The following NUSAP1 variants were observed in gnomAD, a reference collection of about 807,000 sequenced individuals.
NUSAP1 encodes the protein nucleolar and spindle-associated protein 1.
NUSAP1 carries 32 observed loss-of-function variants against 52.8 expected under a neutral mutation model. The ratio of observed to expected loss-of-function variants is 0.61; its 90% confidence interval spans 0.46 to 0.81. The LOEUF (loss-of-function observed/expected upper bound fraction) is 0.81. Among genes scored for constraint, NUSAP1 ranks in the 40% least tolerant of loss-of-function variants. NUSAP1 has a pLI of 0.00. For synonymous variants in NUSAP1, 195 were observed against 183.1 expected, an observed-to-expected ratio of 1.06 and a Z score of -0.52; for missense variants, 499 against 522.3, an observed-to-expected ratio of 0.96 and a Z score of 0.43.
At chr15:41,367,650 G>T (rs1341362344) in intron 7 of NUSAP1, among the ~76,000 whole-genome samples, 2 of 151,632 alleles carry the variant, frequency 1.3e-5, no homozygotes, top group Non-Finnish European at 2.9e-5. Context: ...CAAACTGGGA[G>T]ACTTGGGTAT....
chr15:41,374,195 G>C (rs1328439023), intron 8 of NUSAP1, among the ~76,000 whole-genome samples: 1 of 151,902 alleles, frequency 6.6e-6, no homozygotes, highest in Non-Finnish European at 1.5e-5. Flanking sequence ...TTAGTCCTTT[G>C]CGGCTGCTAT....
chr15:41,336,912 C>T (rs926991447), intron 1 of NUSAP1, among the ~76,000 whole-genome samples: 4 of 151,250 alleles, frequency 2.6e-5, no homozygotes, highest in African/African-American at 9.7e-5. Context: ...GACTTTACCT[C>T]ATAGGTCATG....
intron 10 of NUSAP1, among the ~76,000 whole-genome samples, chr15:41,379,735 C>T (rs1370367734): frequency 4.6e-5 from 7 of 151,890 alleles, no homozygotes; most frequent in South Asian, 2.1e-4. Context: ...TTAGTAGAGA[C>T]GGGGTTTCAC....
chr15:41,365,564 A>C lies in NUSAP1; in HGVS notation c.823A>C (p.Ile275Leu), dbSNP rs1461574991. The stretch of plus-strand genomic sequence containing the variant: ...GAAGGGGTCACTCAAGCGCTCTGCT[A>C]TCTCTGCAGCTAAAACGGGTGTCAG... ...GLKGSLKRSA[I>L]SAAKTGVRFS... Residue 275 changes from isoleucine (I) to leucine (L), a missense_variant, in exon 7 of 11, where the codon ATC becomes CTC. By Grantham distance (5) the Ile-to-Leu change is conservative (BLOSUM62 2). Coordinates refer to ENST00000559596, the MANE Select transcript of NUSAP1 (RefSeq NM_016359.5). The C allele has an allele frequency of 6.2e-7, 1 of 1,606,432 alleles. No homozygotes were observed. The highest frequency in any genetic ancestry group is 8.5e-7 in the Non-Finnish European group (1 of 1,174,660).
rs745609653 is a variant in NUSAP1 at position 41,365,502 on chromosome 15, G to T, written c.761G>T (p.Arg254Leu). 1 of 1,612,568 alleles carries T rather than the reference G, an allele frequency of 6.2e-7. No individual in the cohort carries two copies. Among genetic ancestry groups the T allele is most frequent in the Admixed American group, 1.7e-5 (1 of 59,794 alleles). Residue 254 changes from arginine (R) to leucine (L), a missense_variant, in exon 7 of 11, where the codon CGG becomes CTG. Coordinates refer to ENST00000559596, the MANE Select transcript of NUSAP1 (RefSeq NM_016359.5). ...ATCAGCCAACGACGCTCGCAAGGCC[G>T]GTCTTGTGGCCCTGCAAGTCAGAGT... ...TPISQRRSQG[R>L]SCGPASQSTL...
chr15:41,341,216 C>T (rs1025334647), intron 1 of NUSAP1, among the ~76,000 whole-genome samples: 3 of 152,122 alleles, frequency 2.0e-5, no homozygotes, highest in Non-Finnish European at 2.9e-5. Context: ...CAGGCACACA[C>T]CACCATGCCC....
chr15:41,372,418 T>A (rs182423715), intron 8 of NUSAP1, among the ~76,000 whole-genome samples: 66 of 152,322 alleles, frequency 4.3e-4, no homozygotes, highest in Non-Finnish European at 7.6e-4. Flanking sequence ...ATATGTCAGT[T>A]TATCTATTTT....
At chr15:41,377,721 T>C (rs1263367703) in intron 10 of NUSAP1, among the ~76,000 whole-genome samples, 1 of 124,786 alleles carries the variant, frequency 8.0e-6, no homozygotes, top group Non-Finnish European at 1.7e-5. Flanking sequence ...AGTGGTATCA[T>C]GGGCCAGGCA....
intron 1 of NUSAP1, among the ~76,000 whole-genome samples, chr15:41,336,461 C>T (rs1041829312): frequency 2.6e-5 from 4 of 151,796 alleles, no homozygotes; most frequent in Non-Finnish European, 5.9e-5. Context: ...ACTATTTCCA[C>T]TTCCTTGCAC....
intron 2 of NUSAP1, chr15:41,345,516 A>C: frequency 2.4e-6 from 1 of 411,118 alleles, no homozygotes; most frequent in South Asian, 1.7e-5. Context: ...CTGGAGTGCA[A>C]TGACACGATC....
rs1414596819 is a variant in NUSAP1, at chr15:41,371,442, A to G, written c.849-85A>G. On this transcript the variant is annotated intron_variant, in intron 7 of 10. Coordinates refer to ENST00000559596, the MANE Select transcript of NUSAP1 (RefSeq NM_016359.5). ...ATTGAGGCCCTTTTCACTGCTTGCT[A>G]ATAGTCAAGTGGTTTTATTTATAAG... The G allele has an allele frequency of 3.5e-6, 4 of 1,154,738 alleles. No individual in the cohort carries two copies. The African/African-American group carries it at 4.8e-5, about 14-fold the overall frequency. The allele number at this position is 1,154,738 out of a possible 1,614,324, so 71.5% of individuals were successfully genotyped here.
chr15:41,372,858 T>C (rs1275538489), intron 8 of NUSAP1, among the ~76,000 whole-genome samples: 1 of 151,844 alleles, frequency 6.6e-6, no homozygotes, highest in Non-Finnish European at 1.5e-5. Context: ...GAGGCCGAGG[T>C]GGGTGGATCA....
At chr15:41,355,948 G>A in intron 4 of NUSAP1, 91 bp from the exon 5 acceptor site, 1 of 726,888 alleles carries the variant, frequency 1.4e-6, no homozygotes, top group South Asian at 1.6e-5. Context: ...AAAGTGCTGG[G>A]ATTACAGGCG....
chr15:41,372,698 CT>C (rs1415335951), intron 8 of NUSAP1, among the ~76,000 whole-genome samples: 1 of 151,890 alleles, frequency 6.6e-6, no homozygotes, highest in African/African-American at 2.4e-5. Flanking sequence ...GGGTTTTGTG[CT>C]TTTTTTTAAC....
In NUSAP1 at chr15:41,371,480, TA is replaced by T. The variant is rs1333494660; in HGVS notation, c.849-46del. On this transcript the variant is annotated intron_variant, in intron 7 of 10. Coordinates refer to ENST00000559596, the MANE Select transcript of NUSAP1 (RefSeq NM_016359.5). ...TTTTATTTATAAGCTAGACACAAGT[TA>T]CTCTTGCCACAGTACTCATGTCTTG... is the stretch of plus-strand genomic sequence containing the variant. 2.0e-6 allele frequency: 3 copies of T among 1,472,040 alleles called. No homozygotes were observed. In the African/African-American group the frequency reaches 4.3e-5, roughly 21 times the overall value. The allele number at this position is 1,472,040 out of a possible 1,614,324, so 91.2% of individuals were successfully genotyped here. A position where few individuals can be genotyped will look rare whatever the true frequency, so the allele number is the denominator to read the frequency against.
intron 10 of NUSAP1, among the ~76,000 whole-genome samples, chr15:41,379,847 C>T (rs1225518744): frequency 2.0e-5 from 3 of 152,106 alleles, no homozygotes; most frequent in Non-Finnish European, 4.4e-5. Context: ...GCGCCCCGGC[C>T]TCCATGCATG....
At chr15:41,341,114 G>A (rs1053446039) in intron 1 of NUSAP1, among the ~76,000 whole-genome samples, 4 of 152,176 alleles carry the variant, frequency 2.6e-5, no homozygotes, top group Admixed American at 6.6e-5. Context: ...CCAGACTAGA[G>A]TGCAGTGGCA....
intron 7 of NUSAP1, among the ~76,000 whole-genome samples, chr15:41,369,421 G>A (rs2049564326): frequency 6.6e-6 from 1 of 151,990 alleles, no homozygotes; most frequent in African/African-American, 2.4e-5. Context: ...CCCGAGTTGG[G>A]TGGATCACCT....
chr15:41,350,181 C>T (rs1184952183), intron 3 of NUSAP1, among the ~76,000 whole-genome samples: 2 of 152,108 alleles, frequency 1.3e-5, no homozygotes, highest in African/African-American at 4.8e-5. Flanking sequence ...CGCACCGGCT[C>T]GGAGGATTCA....
Sources: gnomAD v4.1 joint callset for allele counts (sites outside exome capture counted in the v4.1 genomes callset) on GRCh38, gnomAD v4.1.1 for gene constraint, MANE v1.5 for transcripts, NCBI Gene and HGNC (gene_info 2026-07-23, HGNC 2026-07-21) for gene names.